PTH1R: variants seen among roughly 807,000 people sequenced by gnomAD.
PTH1R encodes the protein parathyroid hormone 1 receptor.
A neutral mutation model predicts 70.7 loss-of-function variants in PTH1R; 32 were observed. The observed-to-expected ratio is 0.45, with a 90% CI of 0.34 to 0.61. The LOEUF (loss-of-function observed/expected upper bound fraction) is 0.61. Ranked by LOEUF, PTH1R falls within the 20% of genes least tolerant of loss-of-function variation. The pLI, the probability that PTH1R is intolerant of heterozygous loss-of-function variation, is 0.01. For synonymous variants in PTH1R, 329 were observed against 324.8 expected, an observed-to-expected ratio of 1.01 and a Z score of -0.14; for missense variants, 626 against 792.5, an observed-to-expected ratio of 0.79 and a Z score of 2.52.
intron 8 of PTH1R, 36 bp from the exon 9 acceptor site, chr3:46,898,626 G>T: frequency 6.2e-7 from 1 of 1,609,074 alleles, no homozygotes. Context: ...GCGCGTCCCC[G>T]TGCCCCCACC....
At position 46,901,381 on chromosome 3, in the gene PTH1R, A is replaced by C. The variant is rs200134454; in HGVS notation, c.1050-33A>C. On this transcript the variant is annotated intron_variant, in intron 11 of 15. Transcript: ENST00000449590. The surrounding 1 kb of genome is among the most constrained non-coding windows in gnomAD (Gnocchi z 7.3). ...TGGGCAGTCTTAGGATGGGAACAGG[A>C]GGGATGGGAGCTAATGCCTCAACCT... 3.5e-5 allele frequency: 54 copies of C among 1,555,026 alleles called. No homozygotes were observed. The highest frequency in any genetic ancestry group is 4.7e-5 in the Non-Finnish European group (54 of 1,148,570).
chr3:46,901,914 G>A lies in PTH1R; in HGVS notation c.1211+54G>A. On this transcript the variant is annotated intron_variant, in intron 13 of 15. Transcript: ENST00000449590. This position sits in a 1 kb window ranked among gnomAD's most constrained non-coding sequence, Gnocchi z 7.3. ...GCTCCTCAGGGGTCCCTGAGTCCTG[G>A]TACCATGTACCCCAGGAAAGACAGT... is the stretch of plus-strand genomic sequence containing the variant. 1 of 1,486,748 alleles carries A rather than the reference G, an allele frequency of 6.7e-7. No individual in the cohort carries two copies. The highest frequency in any genetic ancestry group is 9.4e-7 in the Non-Finnish European group (1 of 1,066,016). The allele number at this position is 1,486,748 out of a possible 1,614,324, so 92.1% of individuals were successfully genotyped here.
At position 46,902,146 on chromosome 3, in the gene PTH1R, G is replaced by C. The variant is rs745626851; in HGVS notation, c.1211+286G>C. On this transcript the variant is annotated intron_variant, in intron 13 of 15. Transcript: ENST00000449590. The surrounding 1 kb of genome is among the most constrained non-coding windows in gnomAD (Gnocchi z 5.4). ...TCTCCTCAAAGAGTTGGTTGCAGGG[G>C]GTCTGAGGAACAGGTAGGCGGTGAG... 2.6e-5 allele frequency among the ~76,000 whole-genome samples: 4 copies of C among 152,186 alleles called. No homozygotes were observed. Among genetic ancestry groups the C allele is most frequent in the African/African-American group, 9.7e-5 (4 of 41,438 alleles).
chr3:46,900,504 C>G (rs2032052728), intron 10 of PTH1R, among the ~76,000 whole-genome samples: 2 of 152,132 alleles, frequency 1.3e-5, no homozygotes, highest in Admixed American at 1.3e-4. Flanking sequence ...GCCCCTTGAG[C>G]TGGCGCAGGC....
intron 5 of PTH1R, 83 bp from the exon 6 acceptor site, chr3:46,897,772 C>A: frequency 8.2e-7 from 1 of 1,225,204 alleles, no homozygotes; most frequent in Non-Finnish European, 1.2e-6. Context: ...AAACAAACCA[C>A]AGATGTATTC....
rs969333006 is a variant in PTH1R, at chr3:46,893,667, A to G, written c.76-240A>G. 2.6e-5 allele frequency among the ~76,000 whole-genome samples: 4 copies of G among 152,200 alleles called. No homozygotes were observed. The highest frequency in any genetic ancestry group is 1.3e-4 in the Admixed American group (2 of 15,284). ...CCTACAGGGTTACTGGCGGGCAGGC[A>G]GGAGAGAGCCCCTGCTTTTTCCCTT... On this transcript the variant is annotated intron_variant, in intron 3 of 15. Coordinates refer to ENST00000449590, the MANE Select transcript of PTH1R (RefSeq NM_000316.3). The surrounding 1 kb of genome is among the most constrained non-coding windows in gnomAD (Gnocchi z 5.2).
chr3:46,895,718 C>T lies in PTH1R; in HGVS notation c.179-17C>T, dbSNP rs760224822. On this transcript the variant is annotated splice_polypyrimidine_tract_variant and intron_variant, in intron 4 of 15. Transcript: ENST00000449590. ...TAGCACAGCTGACAGCCATCATTAC[C>T]ACCCTGGTTTCTCCAGCCAGCATAA... 1 of 1,614,056 alleles carries T rather than the reference C, an allele frequency of 6.2e-7. No homozygotes were observed. The highest frequency in any genetic ancestry group is 1.7e-5 in the Admixed American group (1 of 60,026).
At position 46,883,558 on chromosome 3, in the gene PTH1R, C is replaced by A; in HGVS notation, c.-2C>A. On this transcript the variant is annotated 5_prime_UTR_variant, in exon 3 of 16. Transcript: ENST00000449590. The surrounding 1 kb of genome is among the most constrained non-coding windows in gnomAD (Gnocchi z 6.4). The stretch of plus-strand genomic sequence containing the variant: ...CGAGGGACGCGGCCCTAGGCGGTGG[C>A]GATGGGGACCGCCCGGATCGCACCC... The A allele has an allele frequency of 6.5e-7, 1 of 1,534,436 alleles. No individual in the cohort carries two copies. Among genetic ancestry groups the A allele is most frequent in the Non-Finnish European group, 8.7e-7 (1 of 1,145,018 alleles).
rs1209055478 is a variant in PTH1R at position 46,903,786 on chromosome 3, AAAAG to A, written c.*131_*134del. 7.0e-6 allele frequency: 10 copies of A among 1,438,246 alleles called. No individual in the cohort carries two copies. Among genetic ancestry groups the A allele is most frequent in the Non-Finnish European group, 9.3e-6 (10 of 1,073,520 alleles). 89.1% of individuals were successfully genotyped at this position (1,438,246 alleles called of 1,614,324 possible). On this transcript the variant is annotated 3_prime_UTR_variant, in exon 16 of 16. Coordinates refer to ENST00000449590, the MANE Select transcript of PTH1R (RefSeq NM_000316.3). This position sits in a 1 kb window ranked among gnomAD's most constrained non-coding sequence, Gnocchi z 4.4. ...CAGGGAAAAAAAGAAAAAAAAAAGA[AAAAG>A]GAAAAGGAAGCGGTGTGTGGCTTCC...
chr3:46,887,330 CT>C (rs2031098711), intron 3 of PTH1R, among the ~76,000 whole-genome samples: 1 of 152,004 alleles, frequency 6.6e-6, no homozygotes, highest in Non-Finnish European at 1.5e-5. Context: ...TCAAACAAGT[CT>C]GTAATCCCAG....
chr3:46,885,937 G>A (rs1235079223), intron 3 of PTH1R, among the ~76,000 whole-genome samples: 1 of 152,218 alleles, frequency 6.6e-6, no homozygotes, highest in Non-Finnish European at 1.5e-5. Context: ...CTGGTCCCAA[G>A]ACCAGGCTCA....
At chr3:46,900,508 C>T (rs529725136) in intron 10 of PTH1R, among the ~76,000 whole-genome samples, 7 of 152,184 alleles carry the variant, frequency 4.6e-5, no homozygotes, top group Middle Eastern at 3.4e-3. Context: ...CTTGAGCTGG[C>T]GCAGGCCAGG....
Position 46,901,629 on chromosome 3 carries a change from G to T in PTH1R, c.1117-137G>T. The T allele has an allele frequency of 7.4e-7, 1 of 1,349,566 alleles. No homozygotes were observed. Among genetic ancestry groups the T allele is most frequent in the South Asian group, 1.3e-5 (1 of 78,666 alleles). The allele number at this position is 1,349,566 out of a possible 1,614,324, so 83.6% of individuals were successfully genotyped here. ...GGAGGACCAGCTGATCCACACTCCAGCCCAGAAAGGAAAACCAAGGGCTCA... is the reference window on the plus strand; with the variant it reads ...GGAGGACCAGCTGATCCACACTCCATCCCAGAAAGGAAAACCAAGGGCTCA... On this transcript the variant is annotated intron_variant, in intron 12 of 15. Transcript: ENST00000449590. This position sits in a 1 kb window ranked among gnomAD's most constrained non-coding sequence, Gnocchi z 7.3.
At chr3:46,890,802 A>G (rs917039938) in intron 3 of PTH1R, among the ~76,000 whole-genome samples, 4 of 152,262 alleles carry the variant, frequency 2.6e-5, no homozygotes, top group Admixed American at 2.0e-4. Flanking sequence ...TGCCGGGCCA[A>G]CAACAGCCCT....
At chr3:46,889,410 CGTGGCTGGTGCCAGGGTACCCGT>C (rs2031256611) in intron 3 of PTH1R, among the ~76,000 whole-genome samples, 1 of 152,098 alleles carries the variant, frequency 6.6e-6, no homozygotes, top group African/African-American at 2.4e-5. Flanking sequence ...AAGATGATAC[CGTGGCTGGTGCCAGGGTACCCGT>C]GTGGCTGGGC....
chr3:46,895,840 A>T lies in PTH1R; in HGVS notation c.284A>T (p.Lys95Met). The T allele has an allele frequency of 3.1e-6, 5 of 1,613,804 alleles. No individual in the cohort carries two copies. The highest frequency in any genetic ancestry group is 4.2e-6 in the Non-Finnish European group (5 of 1,180,016). ...GKLYPESEED[K>M]EAPTGSRYRG... ...CTCTACCCTGAGTCTGAGGAGGACA[A>T]GGAGGCACCCACTGGCAGCAGGTAC... is the stretch of plus-strand genomic sequence containing the variant. Residue 95 changes from lysine (K) to methionine (M), a missense_variant, in exon 5 of 16, where the codon AAG (lysine) becomes ATG (methionine). Coordinates refer to ENST00000449590, the MANE Select transcript of PTH1R (RefSeq NM_000316.3).
At position 46,895,721 on chromosome 3, in the gene PTH1R, C is replaced by T. The variant is rs776218280; in HGVS notation, c.179-14C>T. ...CACAGCTGACAGCCATCATTACCAC[C>T]CTGGTTTCTCCAGCCAGCATAATGG... On this transcript the variant is annotated splice_polypyrimidine_tract_variant and intron_variant, in intron 4 of 15. Transcript: ENST00000449590. 3 of 1,614,074 alleles carry T rather than the reference C, an allele frequency of 1.9e-6. No homozygotes were observed. The highest frequency in any genetic ancestry group is 2.5e-6 in the Non-Finnish European group (3 of 1,179,980).
chr3:46,895,322 T>C (rs2107019687), intron 4 of PTH1R, among the ~76,000 whole-genome samples: 1 of 152,352 alleles, frequency 6.6e-6, no homozygotes, highest in South Asian at 2.1e-4. Context: ...ATTTTCGCTA[T>C]GTAACCTGTC....
chr3:46,897,725 C>T, intron 5 of PTH1R, 130 bp from the exon 6 acceptor site: 2 of 870,432 alleles, frequency 2.3e-6, no homozygotes, highest in South Asian at 2.9e-5. Flanking sequence ...AAGCGAAACT[C>T]CGTCTCAAAA....
Sources: allele counts gnomAD v4.1 joint callset (sites outside exome capture counted in the v4.1 genomes callset), GRCh38; gene constraint gnomAD v4.1.1; non-coding constraint Gnocchi (gnomAD v3.1); transcripts MANE v1.5; gene names NCBI Gene and HGNC (gene_info 2026-07-23, HGNC 2026-07-21).